CUBN: variants seen among roughly 807,000 people sequenced by gnomAD.
CUBN encodes the protein 460 kDa receptor.
Under a neutral mutation model 405.3 loss-of-function variants are expected in CUBN, and 282 were observed. The observed-to-expected ratio is 0.70, with a 90% confidence interval of 0.63 to 0.77. The LOEUF (loss-of-function observed/expected upper bound fraction) is 0.77. Ranked by LOEUF, CUBN falls within the 30% of genes least tolerant of loss-of-function variation. CUBN has a pLI of 0.00. For missense variants in CUBN, 4,514 were observed against 4,475.2 expected, an observed-to-expected ratio of 1.01 and a Z score of -0.25; for synonymous variants, 1,684 against 1,617.0, an observed-to-expected ratio of 1.04 and a Z score of -0.99.
At chr10:16,886,602 C>T (rs1254144762) in intron 56 of CUBN, among the ~76,000 whole-genome samples, 2 of 152,112 alleles carry the variant, frequency 1.3e-5, no homozygotes, top group Non-Finnish European at 2.9e-5. Context: ...AAGCCCAGCC[C>T]AAATCGGCAT....
chr10:17,060,455 T>C (rs546659536), intron 22 of CUBN, among the ~76,000 whole-genome samples: 1 of 152,278 alleles, frequency 6.6e-6, no homozygotes, highest in South Asian at 2.1e-4. Flanking sequence ...GAAATGTCAA[T>C]TTAAGGATGA....
intron 31 of CUBN, among the ~76,000 whole-genome samples, chr10:16,973,637 C>T (rs1483493766): frequency 6.6e-6 from 1 of 152,162 alleles, no homozygotes; most frequent in Admixed American, 6.5e-5. Context: ...TTGCTCCCTC[C>T]TCCCAGCTTC....
At chr10:17,122,323 C>T (rs1837061580) in intron 6 of CUBN, 3 of 244,478 alleles carry the variant, frequency 1.2e-5, no homozygotes, top group South Asian at 5.1e-5. Context: ...TCTTTGACCT[C>T]GTTATGGTCA....
chr10:17,101,512 T>G (rs2131297650), intron 13 of CUBN, among the ~76,000 whole-genome samples: 1 of 152,266 alleles, frequency 6.6e-6, no homozygotes, highest in South Asian at 2.1e-4. Flanking sequence ...AAAAAAAATG[T>G]TTTTTGACCC....
At chr10:16,963,182 C>CTTTT (rs1176337605) in intron 31 of CUBN, among the ~76,000 whole-genome samples, 3 of 90,976 alleles carry the variant, frequency 3.3e-5, no homozygotes, top group African/African-American at 1.3e-4. Context: ...TTTTTCTTTT[C>CTTTT]TTTTCTTTTT....
chr10:16,844,499 C>T (rs960961273), intron 60 of CUBN, among the ~76,000 whole-genome samples: 1 of 152,156 alleles, frequency 6.6e-6, no homozygotes, highest in East Asian at 1.9e-4. Flanking sequence ...GGATCTGATC[C>T]TACGTGATGT....
At chr10:16,847,450 C>CT (rs1839549367) in intron 60 of CUBN, among the ~76,000 whole-genome samples, 1 of 151,758 alleles carries the variant, frequency 6.6e-6, no homozygotes, top group African/African-American at 2.4e-5. Context: ...CCACTGCAGT[C>CT]CAGCCTGGGC....
At chr10:16,881,663 T>C (rs1469453314) in intron 56 of CUBN, among the ~76,000 whole-genome samples, 1 of 152,244 alleles carries the variant, frequency 6.6e-6, no homozygotes, top group East Asian at 1.9e-4. Context: ...TAAAACATTC[T>C]TGTATCCTTT....
intron 64 of CUBN, among the ~76,000 whole-genome samples, chr10:16,833,998 A>G (rs1839091513): frequency 6.6e-6 from 1 of 152,218 alleles, no homozygotes; most frequent in South Asian, 2.1e-4. Context: ...GACGGTCAGG[A>G]TGAGGTTTAG....
chr10:17,084,143 T>C (rs1228211758), intron 17 of CUBN, 128 bp downstream of exon 17: 2 of 863,756 alleles, frequency 2.3e-6, no homozygotes, highest in Non-Finnish European at 3.9e-6. Flanking sequence ...TAGTTATTAT[T>C]GTATTTCTAA....
In CUBN at chr10:17,109,636, T is replaced by C; in HGVS notation, c.1111+4A>G. The C allele has an allele frequency of 6.2e-7, 1 of 1,611,762 alleles. No homozygotes were observed. Among genetic ancestry groups the C allele is most frequent in the Non-Finnish European group, 8.5e-7 (1 of 1,177,900 alleles). On this transcript the variant is annotated splice_donor_region_variant and intron_variant, in intron 10 of 66. Transcript: ENST00000377833. Reference sequence around the variant, plus strand: ...CAAAGCCAAAGAGAGAGATGAGTCATTACCTAGAGTTGAGGAGCATGAGGC... The same window carrying C: ...CAAAGCCAAAGAGAGAGATGAGTCACTACCTAGAGTTGAGGAGCATGAGGC...
rs1334746730 is a variant in CUBN at position 16,990,506 on chromosome 10, C to T, written c.4178G>A (p.Gly1393Glu). ...QMQWFVYGCG[G>E]ELSGATGSFS... ...GGAGCCTGTGGCCCCAGACAGCTCTCCACCACAACCTGTTAAAACAGAAAG... is the reference window on the plus strand; with the variant it reads ...GGAGCCTGTGGCCCCAGACAGCTCTTCACCACAACCTGTTAAAACAGAAAG... The change falls in exon 29 of 67, where the codon GGA becomes GAA. Residue 1393 changes from glycine to glutamate, a missense_variant. This residue lies in a region of CUBN where 1,613 missense variants were observed against 1,542.8 expected (regional missense o/e 1.05). Transcript: ENST00000377833. 1.2e-6 allele frequency: 2 copies of T among 1,614,018 alleles called. No individual in the cohort carries two copies. Among genetic ancestry groups the T allele is most frequent in the South Asian group, 2.2e-5 (2 of 91,076 alleles).
intron 40 of CUBN, among the ~76,000 whole-genome samples, chr10:16,932,433 A>G (rs1263325993): frequency 6.6e-6 from 1 of 152,148 alleles, no homozygotes; most frequent in Non-Finnish European, 1.5e-5. Context: ...ATTTTGTATA[A>G]GGCATACATC....
At chr10:17,128,907 T>A (rs1043180776) in intron 2 of CUBN, among the ~76,000 whole-genome samples, 3 of 152,232 alleles carry the variant, frequency 2.0e-5, no homozygotes, top group South Asian at 4.1e-4. Context: ...ACAATTCATA[T>A]GTTCTTAGCA....
At chr10:16,963,616 C>A (rs1463342012) in intron 31 of CUBN, among the ~76,000 whole-genome samples, 1 of 152,090 alleles carries the variant, frequency 6.6e-6, no homozygotes, top group African/African-American at 2.4e-5. Context: ...ATATTCGGTA[C>A]AAAAAGTTGC....
At chr10:16,869,566 G>T (rs548565773) in intron 59 of CUBN, 70 bp downstream of exon 59, 28 of 990,672 alleles carry the variant, frequency 2.8e-5, no homozygotes, top group Admixed American at 5.4e-5. Flanking sequence ...GTGGGGGGGG[G>T]GCGGGGAAAT....
intron 62 of CUBN, among the ~76,000 whole-genome samples, chr10:16,836,984 G>A (rs561305020): frequency 6.6e-6 from 1 of 152,170 alleles, no homozygotes; most frequent in African/African-American, 2.4e-5. Context: ...CAAAGTCAGG[G>A]TATTTGCAGC....
chr10:17,017,787 C>T (rs1048139277), intron 28 of CUBN, among the ~76,000 whole-genome samples: 1 of 152,056 alleles, frequency 6.6e-6, no homozygotes, highest in African/African-American at 2.4e-5. Context: ...TACAGGAGAA[C>T]CTAGAAAAGC....
intron 3 of CUBN, among the ~76,000 whole-genome samples, chr10:17,127,394 T>C (rs1344896411): frequency 6.7e-6 from 1 of 150,282 alleles, no homozygotes; most frequent in Non-Finnish European, 1.5e-5. Context: ...GCCTCCCAAG[T>C]AGCTGTGAGT....
Sources: allele counts gnomAD v4.1 joint callset (sites outside exome capture counted in the v4.1 genomes callset), GRCh38; gene constraint gnomAD v4.1.1; regional missense constraint gnomAD v4.1.1; transcripts MANE v1.5; gene names NCBI Gene and HGNC (gene_info 2026-07-23, HGNC 2026-07-21).